OTOF: variants seen among roughly 807,000 people sequenced by gnomAD.
OTOF encodes the protein fer-1-like family member 2.
In OTOF, 218 loss-of-function variants were observed where a neutral mutation model predicts 236.8. The ratio of observed to expected loss-of-function variants is 0.92; its 90% CI spans 0.82 to 1.03. The LOEUF (loss-of-function observed/expected upper bound fraction) is 1.03, where lower values mean the gene tolerates loss of function less well. Ranked by LOEUF, OTOF falls within the 50% of genes least tolerant of loss-of-function variation. OTOF has a pLI of 0.00. For missense variants in OTOF, 2,590 were observed against 2,694.4 expected (o/e 0.96, Z 0.86); for synonymous variants, 1,041 against 1,072.5 (o/e 0.97, Z 0.57).
intron 1 of OTOF, among the ~76,000 whole-genome samples, chr2:26,546,968 C>T (rs1000334630): frequency 1.3e-5 from 2 of 152,144 alleles, no homozygotes; most frequent in Non-Finnish European, 2.9e-5. Context: ...TTTACTTCTT[C>T]CTTTCCAATC....
chr2:26,509,428 C>T (rs1478365038), intron 5 of OTOF, among the ~76,000 whole-genome samples: 2 of 152,178 alleles, frequency 1.3e-5, no homozygotes, highest in East Asian at 1.9e-4. Flanking sequence ...GCTCTTCCTA[C>T]ACAGCGCCAT....
intron 9 of OTOF, 122 bp downstream of exon 9, chr2:26,494,820 T>A: frequency 8.9e-7 from 1 of 1,129,528 alleles, no homozygotes; most frequent in Non-Finnish European, 1.3e-6. Context: ...ACAGGGTGGA[T>A]CACCCCTGCT....
At chr2:26,535,298 G>A (rs1307119959) in intron 2 of OTOF, among the ~76,000 whole-genome samples, 1 of 152,194 alleles carries the variant, frequency 6.6e-6, no homozygotes, top group Non-Finnish European at 1.5e-5. Flanking sequence ...TGTCACCTGG[G>A]GAAGGGTAGT....
In OTOF at chr2:26,465,916, G is replaced by A. The variant is rs569630352; in HGVS notation, c.4628+33C>T. On this transcript the variant is annotated intron_variant, in intron 37 of 46. Coordinates refer to ENST00000272371, the MANE Select transcript of OTOF (RefSeq NM_194248.3). ...AGGTGTTCTGGGTTGGAGAAGTAGG[G>A]GTGTGGCAGGGGAGGGCACCAAGAA... 7.4e-6 allele frequency: 12 copies of A among 1,614,110 alleles called. No homozygotes were observed. In the South Asian group the frequency reaches 1.2e-4, roughly 16 times the overall value.
At chr2:26,475,773 T>TC in intron 24 of OTOF, 141 bp downstream of exon 24, 1 of 1,113,672 alleles carries the variant, frequency 9.0e-7, no homozygotes, top group South Asian at 1.4e-5. Context: ...CTGCAGGGCT[T>TC]CCCCTGAGAA....
intron 8 of OTOF, among the ~76,000 whole-genome samples, chr2:26,499,871 A>G (rs1045393228): frequency 1.3e-5 from 2 of 152,192 alleles, no homozygotes; most frequent in Admixed American, 1.3e-4. Context: ...GCTCTCACTC[A>G]AATGTTTGCA....
At position 26,476,029 on chromosome 2, in the gene OTOF, G is replaced by A. The variant is rs775566456; in HGVS notation, c.2876C>T (p.Ala959Val). Reference sequence around the variant, plus strand: ...GTACATGTGCGCTCGGAGCTGGAACGCCTGCTTCTCTGTGGGGAAGGGCAG... The same window carrying A: ...GTACATGTGCGCTCGGAGCTGGAACACCTGCTTCTCTGTGGGGAAGGGCAG... Reference protein sequence around the residue: ...PVSLVYTKKQAFQLRAHMYQA... With the variant: ...PVSLVYTKKQVFQLRAHMYQA... Residue 959 changes from alanine (A) to valine (V), a missense_variant, in exon 24 of 47, where the codon GCG becomes GTG. Coordinates refer to ENST00000272371, the MANE Select transcript of OTOF (RefSeq NM_194248.3). The A allele has an allele frequency of 1.2e-5, 20 of 1,612,518 alleles. No homozygotes were observed. Among genetic ancestry groups the A allele is most frequent in the South Asian group, 9.9e-5 (9 of 91,022 alleles).
intron 30 of OTOF, among the ~76,000 whole-genome samples, 173 bp from the exon 31 acceptor site, chr2:26,471,323 C>T (rs1206498731): frequency 6.6e-6 from 1 of 152,206 alleles, no homozygotes; most frequent in Admixed American, 6.5e-5. Context: ...ACTGGTGAGT[C>T]TGCAAAGGGT....
chr2:26,514,101 C>T (rs779949048), intron 5 of OTOF, among the ~76,000 whole-genome samples: 28 of 152,246 alleles, frequency 1.8e-4, no homozygotes, highest in Non-Finnish European at 3.8e-4. Flanking sequence ...CCCTCTTTTC[C>T]ACAACCAGGC....
intron 9 of OTOF, among the ~76,000 whole-genome samples, chr2:26,494,706 G>A (rs753249053): frequency 6.6e-6 from 1 of 152,032 alleles, no homozygotes; most frequent in Non-Finnish European, 1.5e-5. Flanking sequence ...AGGAGCACCC[G>A]GGTGGTGTAC....
At chr2:26,497,128 A>T (rs1170436732) in intron 8 of OTOF, among the ~76,000 whole-genome samples, 5 of 114,362 alleles carry the variant, frequency 4.4e-5, no homozygotes, top group African/African-American at 1.6e-4. Flanking sequence ...TTTGAGACAG[A>T]GTCTCACTCT....
chr2:26,476,390 C>T (rs1004766039), intron 22 of OTOF, 73 bp from the exon 23 acceptor site: 9 of 1,419,298 alleles, frequency 6.3e-6, no homozygotes, highest in South Asian at 4.7e-5. Context: ...GGGCAGGGGC[C>T]GGCAGAGGCC....
chr2:26,514,439 C>G (rs538139932), intron 5 of OTOF, among the ~76,000 whole-genome samples: 1 of 152,372 alleles, frequency 6.6e-6, no homozygotes, highest in African/African-American at 2.4e-5. Flanking sequence ...GTGCCTAGGG[C>G]TCTCTGGGAC....
intron 1 of OTOF, 120 bp downstream of exon 1, chr2:26,558,373 G>A (rs1317993270): frequency 3.5e-6 from 3 of 858,722 alleles, no homozygotes; most frequent in Admixed American, 3.5e-5. Flanking sequence ...CGTCGCCCCA[G>A]CCCCTGCTAG....
chr2:26,552,537 T>G (rs1168061424), intron 1 of OTOF, among the ~76,000 whole-genome samples: 10 of 152,222 alleles, frequency 6.6e-5, no homozygotes, highest in Admixed American at 1.3e-4. Context: ...TGAGGGCTTT[T>G]GCAGGGGAAG....
chr2:26,464,550 C>G (rs1038843303), intron 39 of OTOF, among the ~76,000 whole-genome samples: 2 of 152,146 alleles, frequency 1.3e-5, no homozygotes, highest in African/African-American at 4.8e-5. Context: ...TCTAAAGAGC[C>G]ACATGACCTT....
Position 26,468,494 on chromosome 2 carries a change from A to C in OTOF, c.4024-20T>G. On this transcript the variant is annotated intron_variant, in intron 32 of 46. Transcript: ENST00000272371. ...AAGTTGCTGCCAAAAGATGAGATGAAAAGGACAGAAGGTGGGTTTCCTGGG... is the reference window on the plus strand; with the variant it reads ...AAGTTGCTGCCAAAAGATGAGATGACAAGGACAGAAGGTGGGTTTCCTGGG... The C allele has an allele frequency of 1.9e-6, 3 of 1,609,504 alleles. No individual in the cohort carries two copies. Among genetic ancestry groups the C allele is most frequent in the Non-Finnish European group, 2.6e-6 (3 of 1,175,872 alleles).
chr2:26,497,260 A>G (rs575909800), intron 8 of OTOF, among the ~76,000 whole-genome samples: 26 of 151,958 alleles, frequency 1.7e-4, no homozygotes, highest in African/African-American at 5.5e-4. Context: ...CTGCCACCGC[A>G]CGGCTAATTT....
At chr2:26,497,557 C>A (rs900309542) in intron 8 of OTOF, among the ~76,000 whole-genome samples, 9 of 152,178 alleles carry the variant, frequency 5.9e-5, no homozygotes, top group African/African-American at 1.9e-4. Flanking sequence ...CATCCAGTGT[C>A]CATCAAAGTC....
Sources: allele counts gnomAD v4.1 joint callset (sites outside exome capture counted in the v4.1 genomes callset), GRCh38; gene constraint gnomAD v4.1.1; transcripts MANE v1.5; gene names NCBI Gene and HGNC (gene_info 2026-07-23, HGNC 2026-07-21).